The following KPNA3 variants were observed in gnomAD, a reference collection of about 807,000 sequenced individuals.
The protein encoded by KPNA3 is karyopherin subunit alpha 3.
In KPNA3, 13 loss-of-function variants were observed where a neutral mutation model predicts 73.8. The ratio of observed to expected loss-of-function variants is 0.18; its 90% confidence interval spans 0.11 to 0.28. KPNA3 has a LOEUF of 0.28. Ranked by LOEUF, KPNA3 falls within the 10% of genes least tolerant of loss-of-function variation. The pLI, the probability that KPNA3 is intolerant of heterozygous loss-of-function variation, is 1.00. For synonymous variants in KPNA3, 186 were observed against 206.9 expected (o/e 0.90, Z 0.87); for missense variants, 360 against 618.1 (o/e 0.58, Z 4.43).
intron 1 of KPNA3, among the ~76,000 whole-genome samples, chr13:49,764,235 GC>G (rs2137586885): frequency 6.6e-6 from 1 of 151,834 alleles, no homozygotes; most frequent in African/African-American, 2.4e-5. Flanking sequence ...CTATCCTGTT[GC>G]CCTGGTGAAA....
Position 49,705,648 on chromosome 13 carries a change from T to C in KPNA3, c.1345A>G (p.Ile449Val), listed in dbSNP as rs369254638. The C allele has an allele frequency of 3.1e-6, 5 of 1,614,136 alleles. No individual in the cohort carries two copies. Among genetic ancestry groups the C allele is most frequent in the Non-Finnish European group, 4.2e-6 (5 of 1,180,010 alleles). Residue 449 changes from isoleucine to valine, a missense_variant, in exon 15 of 17, where the codon ATA becomes GTA. Physicochemically the swap from Ile to Val is conservative, Grantham distance 29. Transcript: ENST00000261667. Reference protein sequence around the residue: ...LIMAGDEASTIAEIIEECGGL... With the variant: ...LIMAGDEASTVAEIIEECGGL... ...CCACATTCCTCTATTATTTCAGCTATTGTGCTTGCTTCATCACCGGCCATT... is the reference window on the plus strand; with the variant it reads ...CCACATTCCTCTATTATTTCAGCTACTGTGCTTGCTTCATCACCGGCCATT...
In KPNA3 at chr13:49,716,476, T is replaced by C. The variant is rs1422408320; in HGVS notation, c.771+3299A>G. 8.1e-4 allele frequency among the ~76,000 whole-genome samples: 124 copies of C among 152,326 alleles called. 1 individual carries two copies. The highest frequency in any genetic ancestry group is 5.9e-5 in the Non-Finnish European group (4 of 68,032). On this transcript the variant is annotated intron_variant, in intron 10 of 16. Transcript: ENST00000261667. Reference sequence around the variant, plus strand: ...TTTTTTAACACAGCATCTCGCTCTGTTGCCCACGTGGGAGTGCAGTGGCGT... The same window carrying C: ...TTTTTTAACACAGCATCTCGCTCTGCTGCCCACGTGGGAGTGCAGTGGCGT...
intron 6 of KPNA3, among the ~76,000 whole-genome samples, chr13:49,728,926 CTT>C (rs1297991285): frequency 6.6e-6 from 1 of 152,128 alleles, no homozygotes; most frequent in Non-Finnish European, 1.5e-5. Context: ...CTTGTGACTT[CTT>C]TTTGTTTCCT....
chr13:49,763,095 G>C lies in KPNA3; in HGVS notation c.70-16102C>G, dbSNP rs1471299251. On this transcript the variant is annotated intron_variant, in intron 1 of 16. Transcript: ENST00000261667. Reference sequence around the variant, plus strand: ...GAGTTAAACCTAAATTAACACTTAGGTTATACAACATAAAATAACTACAGC... The same window carrying C: ...GAGTTAAACCTAAATTAACACTTAGCTTATACAACATAAAATAACTACAGC... Among the ~76,000 whole-genome samples, 4 of 152,072 alleles carry C rather than the reference G, an allele frequency of 2.6e-5. No homozygotes were observed. In the East Asian group the frequency reaches 7.7e-4, roughly 29 times the overall value.
intron 1 of KPNA3, among the ~76,000 whole-genome samples, chr13:49,764,119 T>A (rs563821679): frequency 4.0e-3 from 179 of 44,234 alleles, no homozygotes; most frequent in Non-Finnish European, 9.2e-3. Context: ...GTCTGTTGGG[T>A]TTGTTTTGTT....
intron 1 of KPNA3, among the ~76,000 whole-genome samples, chr13:49,754,509 C>T (rs1954693492): frequency 6.6e-6 from 1 of 151,460 alleles, no homozygotes; most frequent in South Asian, 2.1e-4. Flanking sequence ...CCAGCTTCGA[C>T]ACCCTACAAC....
chr13:49,775,511 T>C (rs1345152123), intron 1 of KPNA3, among the ~76,000 whole-genome samples: 1 of 152,160 alleles, frequency 6.6e-6, no homozygotes, highest in Admixed American at 6.5e-5. Context: ...CTGTACACTG[T>C]CACAAACAAA....
intron 1 of KPNA3, among the ~76,000 whole-genome samples, chr13:49,752,663 G>A (rs1338267902): frequency 2.0e-5 from 3 of 152,056 alleles, no homozygotes; most frequent in Admixed American, 6.6e-5. Flanking sequence ...TTAAGAGCCA[G>A]TAAACAACAG....
At chr13:49,791,025 A>G (rs751215864) in intron 1 of KPNA3, among the ~76,000 whole-genome samples, 1 of 152,220 alleles carries the variant, frequency 6.6e-6, no homozygotes, top group Non-Finnish European at 1.5e-5. Flanking sequence ...GCTTAGATGT[A>G]TTTCTTACAA....
chr13:49,742,038 CAT>C (rs1332000652), intron 2 of KPNA3, among the ~76,000 whole-genome samples: 2 of 152,122 alleles, frequency 1.3e-5, no homozygotes, highest in African/African-American at 4.8e-5. Flanking sequence ...CTTATGTTTG[CAT>C]TTTAATCTAT....
At chr13:49,740,953 T>C (rs1273535958) in intron 2 of KPNA3, among the ~76,000 whole-genome samples, 1 of 152,172 alleles carries the variant, frequency 6.6e-6, no homozygotes, top group Non-Finnish European at 1.5e-5. Context: ...TCCAAGTTCA[T>C]CCACGTTGTT....
At chr13:49,726,063 T>G (rs753693383) in intron 6 of KPNA3, among the ~76,000 whole-genome samples, 7 of 152,216 alleles carry the variant, frequency 4.6e-5, no homozygotes, top group Non-Finnish European at 8.8e-5. Context: ...CGACTTCCTC[T>G]CCACAGACAC....
intron 1 of KPNA3, among the ~76,000 whole-genome samples, chr13:49,774,654 G>A (rs1954882070): frequency 6.6e-6 from 1 of 152,228 alleles, no homozygotes; most frequent in African/African-American, 2.4e-5. Flanking sequence ...GGAGGGATAT[G>A]TTGGTTAAAT....
chr13:49,720,829 T>C (rs1314791534), intron 9 of KPNA3, among the ~76,000 whole-genome samples: 1 of 151,614 alleles, frequency 6.6e-6, no homozygotes, highest in Non-Finnish European at 1.5e-5. Flanking sequence ...TATTTACATA[T>C]CAAATGTAAA....
At chr13:49,742,968 G>A (rs3782929) in intron 2 of KPNA3, among the ~76,000 whole-genome samples, 18,154 of 151,902 alleles carry the variant, frequency 0.12, 2,179 homozygotes, top group East Asian at 0.59. Flanking sequence ...GCACTTAATC[G>A]ACTACATAGC....
chr13:49,727,447 CAAAA>C (rs1242720259), intron 6 of KPNA3, among the ~76,000 whole-genome samples: 1 of 50,082 alleles, frequency 2.0e-5, no homozygotes. Flanking sequence ...GATTCCATCT[CAAAA>C]AAAAAAAAAA....
intron 2 of KPNA3, 51 bp downstream of exon 2, chr13:49,746,898 T>G: frequency 7.2e-7 from 1 of 1,388,592 alleles, no homozygotes; most frequent in Non-Finnish European, 1.0e-6. Flanking sequence ...ACACAGAATT[T>G]TAACATCAGA....
intron 10 of KPNA3, among the ~76,000 whole-genome samples, chr13:49,713,689 C>CT (rs1240389552): frequency 6.8e-6 from 1 of 148,068 alleles, no homozygotes; most frequent in Admixed American, 6.7e-5. Flanking sequence ...CAGAAAAACC[C>CT]AACAACAAAA....
At chr13:49,730,966 G>C (rs1016925533) in intron 6 of KPNA3, among the ~76,000 whole-genome samples, 1 of 149,734 alleles carries the variant, frequency 6.7e-6, no homozygotes, top group Non-Finnish European at 1.5e-5. Flanking sequence ...TTTTTTAATA[G>C]AGACAGGGTT....
Sources: allele counts gnomAD v4.1 joint callset (sites outside exome capture counted in the v4.1 genomes callset), GRCh38; gene constraint gnomAD v4.1.1; transcripts MANE v1.5; gene names NCBI Gene and HGNC (gene_info 2026-07-23, HGNC 2026-07-21).